The following DENND1B variants were observed in gnomAD, a reference collection of about 807,000 sequenced individuals.
DENND1B encodes DENN domain containing 1B, also known as DENN domain-containing protein 1B.
Under a neutral mutation model 90.1 loss-of-function variants are expected in DENND1B, and 59 were observed. The observed-to-expected ratio is 0.65, with a 90% CI of 0.53 to 0.81. DENND1B has a LOEUF of 0.81. Ranked by LOEUF, DENND1B falls within the 40% of genes least tolerant of loss-of-function variation. The pLI is 0.00. For missense variants in DENND1B, 862 were observed against 912.6 expected (o/e 0.94, Z 0.71); for synonymous variants, 337 against 324.6 (o/e 1.04, Z -0.41).
intron 14 of DENND1B, among the ~76,000 whole-genome samples, chr1:197,594,916 A>G (rs1235701090): frequency 1.3e-5 from 2 of 152,198 alleles, no homozygotes; most frequent in Non-Finnish European, 2.9e-5. Context: ...TTTAAAATAC[A>G]GTAATACAAG....
At chr1:197,693,158 G>A (rs1205318106) in intron 3 of DENND1B, among the ~76,000 whole-genome samples, 1 of 151,484 alleles carries the variant, frequency 6.6e-6, no homozygotes, top group Non-Finnish European at 1.5e-5. Context: ...TTACAAAAAT[G>A]ACCACTAGAT....
intron 2 of DENND1B, among the ~76,000 whole-genome samples, chr1:197,770,237 A>T (rs943001687): frequency 1.3e-5 from 2 of 152,172 alleles, no homozygotes; most frequent in Admixed American, 6.5e-5. Context: ...TATTTACTTT[A>T]ACCATTTATC....
chr1:197,714,277 C>T (rs1478454939), intron 3 of DENND1B, among the ~76,000 whole-genome samples: 1 of 151,834 alleles, frequency 6.6e-6, no homozygotes, highest in Non-Finnish European at 1.5e-5. Flanking sequence ...CCAGCCTTAT[C>T]AATTTTTAAA....
chr1:197,719,088 G>A (rs1660916062), intron 2 of DENND1B, among the ~76,000 whole-genome samples: 1 of 152,104 alleles, frequency 6.6e-6, no homozygotes, highest in South Asian at 2.1e-4. Flanking sequence ...ACAGTAAGAT[G>A]AGCCTCAGTG....
Position 197,539,975 on chromosome 1 carries a change from T to TA in DENND1B, c.1503dup (p.Lys502Ter). The TA allele has an allele frequency of 2.5e-6, 4 of 1,612,658 alleles. No individual in the cohort carries two copies. Among genetic ancestry groups the TA allele is most frequent in the Non-Finnish European group, 3.4e-6 (4 of 1,178,970 alleles). On this transcript the variant is annotated frameshift_variant, in exon 20 of 23. Transcript: ENST00000620048. LOFTEE classifies it high-confidence loss of function. ...ATAACCTTACTTACCTGAGCAAGCT[T>TA]ACGCTTTTCTGAGTTTCCTCCCTTT...
intron 5 of DENND1B, among the ~76,000 whole-genome samples, chr1:197,661,794 T>C (rs1028084214): frequency 6.6e-6 from 1 of 152,070 alleles, no homozygotes; most frequent in Non-Finnish European, 1.5e-5. Context: ...TTTATATTAT[T>C]GTTTTTCACT....
Position 197,672,026 on chromosome 1 carries a change from C to T in DENND1B, c.296+11G>A. 9.3e-6 allele frequency: 15 copies of T among 1,607,380 alleles called. No individual in the cohort carries two copies. The highest frequency in any genetic ancestry group is 1.2e-5 in the Non-Finnish European group (14 of 1,177,002). On this transcript the variant is annotated intron_variant, in intron 5 of 22. Transcript: ENST00000620048. ...ATTTTGCATCTAATTTTTTTTACTA[C>T]AAATACTCACCTAAGGATGCATAAA... is the stretch of plus-strand genomic sequence containing the variant.
At chr1:197,543,445 A>G (rs1460515611) in intron 18 of DENND1B, among the ~76,000 whole-genome samples, 1 of 152,214 alleles carries the variant, frequency 6.6e-6, no homozygotes, top group Non-Finnish European at 1.5e-5. Flanking sequence ...TAAGCCTAAA[A>G]AAAACCCTCA....
chr1:197,646,054 C>T (rs1680705107), intron 8 of DENND1B, among the ~76,000 whole-genome samples: 1 of 151,672 alleles, frequency 6.6e-6, no homozygotes, highest in African/African-American at 2.4e-5. Context: ...TACATATATA[C>T]ATATACACGT....
At chr1:197,568,896 T>A (rs1672913870) in intron 15 of DENND1B, among the ~76,000 whole-genome samples, 1 of 152,144 alleles carries the variant, frequency 6.6e-6, no homozygotes, top group South Asian at 2.1e-4. Context: ...AACACTGGTC[T>A]GAGCAAAGAT....
chr1:197,642,830 G>T lies in DENND1B; in HGVS notation c.562-9C>A. The T allele has an allele frequency of 6.3e-7, 1 of 1,596,432 alleles. No homozygotes were observed. Among genetic ancestry groups the T allele is most frequent in the South Asian group, 1.1e-5 (1 of 89,818 alleles). On this transcript the variant is annotated splice_polypyrimidine_tract_variant and intron_variant, in intron 9 of 22. Coordinates refer to ENST00000620048, the MANE Select transcript of DENND1B (RefSeq NM_001195215.2). ...TATTCTGTAAGATTTCTCTGTACAA[G>T]TAAAAGATAATTGTGTAAGTTACAG... is the stretch of plus-strand genomic sequence containing the variant.
At chr1:197,707,628 T>C (rs948867782) in intron 3 of DENND1B, among the ~76,000 whole-genome samples, 1 of 146,478 alleles carries the variant, frequency 6.8e-6, no homozygotes, top group Non-Finnish European at 1.5e-5. Context: ...TATAATATAA[T>C]ACATATATTA....
chr1:197,584,445 G>A (rs1250128851), intron 14 of DENND1B, among the ~76,000 whole-genome samples: 2 of 152,194 alleles, frequency 1.3e-5, no homozygotes, highest in African/African-American at 4.8e-5. Context: ...ATGGTCACAT[G>A]TGGTTAGTGG....
intron 13 of DENND1B, among the ~76,000 whole-genome samples, chr1:197,602,969 C>A (rs1397652974): frequency 6.6e-6 from 1 of 151,214 alleles, no homozygotes; most frequent in Admixed American, 6.6e-5. Flanking sequence ...GAAAGCTTCA[C>A]CATAATATGT....
At chr1:197,600,109 T>C (rs1022005433) in intron 13 of DENND1B, among the ~76,000 whole-genome samples, 1 of 151,834 alleles carries the variant, frequency 6.6e-6, no homozygotes, top group Non-Finnish European at 1.5e-5. Context: ...TTGAGGCCAA[T>C]TCTGCAGAAA....
At position 197,775,275 on chromosome 1, in the gene DENND1B, G is replaced by T; in HGVS notation, c.-120C>A. 1 of 810,310 alleles carries T rather than the reference G, an allele frequency of 1.2e-6. No individual in the cohort carries two copies. The highest frequency in any genetic ancestry group is 6.0e-5 in the South Asian group (1 of 16,552). 50.2% of individuals were successfully genotyped at this position (810,310 alleles called of 1,614,324 possible). A position where few individuals can be genotyped will look rare whatever the true frequency, so the allele number is the denominator to read the frequency against. ...ACGCCGGCGGCCACACAGGGAAAGA[G>T]GCTGCTCACAGCAGCCGTGGCGGCG... On this transcript the variant is annotated 5_prime_UTR_variant, in exon 1 of 23. Transcript: ENST00000620048.
rs561098519 is a variant in DENND1B at position 197,725,144 on chromosome 1, C to T, written c.83-10070G>A. Among the ~76,000 whole-genome samples, 15 of 152,134 alleles carry T rather than the reference C, an allele frequency of 9.9e-5. No homozygotes were observed. In the South Asian group the frequency reaches 3.1e-3, roughly 32 times the overall value. On this transcript the variant is annotated intron_variant, in intron 2 of 22. Coordinates refer to ENST00000620048, the MANE Select transcript of DENND1B (RefSeq NM_001195215.2). ...AACAAACCTAAGCAAGATCTCAAGACAGACATGACTAGACACATCACAATG... is the reference window on the plus strand; with the variant it reads ...AACAAACCTAAGCAAGATCTCAAGATAGACATGACTAGACACATCACAATG...
chr1:197,600,275 T>C (rs537714282), intron 13 of DENND1B, among the ~76,000 whole-genome samples: 79 of 151,998 alleles, frequency 5.2e-4, no homozygotes, highest in Non-Finnish European at 9.9e-4. Context: ...ATTCTCCCTT[T>C]CTTTGCTAAT....
intron 13 of DENND1B, among the ~76,000 whole-genome samples, chr1:197,600,081 T>G (rs896867741): frequency 1.3e-5 from 2 of 151,800 alleles, no homozygotes; most frequent in Non-Finnish European, 2.9e-5. Flanking sequence ...CCATCTGGCT[T>G]ACTCATACTC....
Sources: allele counts gnomAD v4.1 joint callset (sites outside exome capture counted in the v4.1 genomes callset), GRCh38; gene constraint gnomAD v4.1.1; transcripts MANE v1.5; gene names NCBI Gene and HGNC (gene_info 2026-07-23, HGNC 2026-07-21).